HERPUD2: variants seen among roughly 807,000 people sequenced by gnomAD.
HERPUD2 encodes homocysteine-responsive endoplasmic reticulum-resident ubiquitin-like domain member 2 protein.
Under a neutral mutation model 49.9 loss-of-function variants are expected in HERPUD2, and 13 were observed. The ratio of observed to expected loss-of-function variants is 0.26; its 90% CI spans 0.17 to 0.41. The LOEUF (loss-of-function observed/expected upper bound fraction) is 0.41. Among genes scored for constraint, HERPUD2 ranks in the 10% least tolerant of loss-of-function variants. The pLI is 1.00. For synonymous variants in HERPUD2, 172 were observed against 171.4 expected (o/e 1.00, Z -0.03); for missense variants, 449 against 492.2 (o/e 0.91, Z 0.83).
intron 2 of HERPUD2, among the ~76,000 whole-genome samples, chr7:35,677,990 C>T (rs1454036242): frequency 6.6e-6 from 1 of 152,110 alleles, no homozygotes; most frequent in Non-Finnish European, 1.5e-5. Flanking sequence ...TTCATAACAA[C>T]GGAAATGCAC....
At chr7:35,675,644 C>T (rs1357852785) in intron 2 of HERPUD2, among the ~76,000 whole-genome samples, 2 of 152,112 alleles carry the variant, frequency 1.3e-5, no homozygotes. Flanking sequence ...AAATGAACCC[C>T]CAGGTACCAT....
At chr7:35,642,037 A>G (rs1784974761) in intron 5 of HERPUD2, among the ~76,000 whole-genome samples, 2 of 152,228 alleles carry the variant, frequency 1.3e-5, no homozygotes, top group South Asian at 4.1e-4. Flanking sequence ...ACCCTACAGA[A>G]TGGAAGAAAA....
At position 35,688,488 on chromosome 7, in the gene HERPUD2, G is replaced by A. The variant is rs77311976; in HGVS notation, c.147+5696C>T. Among the ~76,000 whole-genome samples, 800 of 152,294 alleles carry A rather than the reference G, an allele frequency of 5.3e-3. 12 individuals carry two copies. Among genetic ancestry groups the A allele is most frequent in the African/African-American group, 0.018 (763 of 41,570 alleles). ...CTGATGTTCAATAGAGCCTGTCAAA[G>A]TATATGACTATGGTTCACACCAACT... is the stretch of plus-strand genomic sequence containing the variant. On this transcript the variant is annotated intron_variant, in intron 2 of 8. Coordinates refer to ENST00000311350, the MANE Select transcript of HERPUD2 (RefSeq NM_022373.5).
chr7:35,681,846 G>A (rs954908032), intron 2 of HERPUD2, among the ~76,000 whole-genome samples: 1 of 152,112 alleles, frequency 6.6e-6, no homozygotes, highest in Admixed American at 6.5e-5. Flanking sequence ...GAAGAAAAAA[G>A]AATGGGGAGT....
rs139063446 is a variant in HERPUD2 at position 35,682,250 on chromosome 7, CGTGT to C, written c.148-8976_148-8973del. ...ATATATAGATATATACACATACACA[CGTGT>C]GTGTGTGTATATATAGATATATACA... On this transcript the variant is annotated intron_variant, in intron 2 of 8. Transcript: ENST00000311350. Among the ~76,000 whole-genome samples the C allele has an allele frequency of 2.7e-3, 181 of 67,508 alleles. 14 individuals are homozygous for C. Among genetic ancestry groups the C allele is most frequent in the African/African-American group, 0.012 (170 of 14,278 alleles). The allele number at this position is 67,508 out of a possible 152,430, so 44.3% of individuals were successfully genotyped here.
chr7:35,666,658 A>AG (rs1785542410), intron 5 of HERPUD2, among the ~76,000 whole-genome samples: 3 of 152,346 alleles, frequency 2.0e-5, no homozygotes, highest in African/African-American at 7.2e-5. Flanking sequence ...GTCTGCTTTC[A>AG]CACACAACCC....
chr7:35,663,819 ATAC>A (rs1785482189), intron 5 of HERPUD2, among the ~76,000 whole-genome samples: 1 of 152,062 alleles, frequency 6.6e-6, no homozygotes, highest in Non-Finnish European at 1.5e-5. Flanking sequence ...GGTTTCCTGA[ATAC>A]AGCAGATGGG....
chr7:35,682,341 GTGTGTGTGTGTGTGTGTATA>G (rs1562686247), intron 2 of HERPUD2, among the ~76,000 whole-genome samples: 502 of 24,966 alleles, frequency 0.02, 62 homozygotes, highest in South Asian at 0.036. Context: ...GTGTGTGTGT[GTGTGTGTGTGTGTGTGTATA>G]TATATATATA....
intron 5 of HERPUD2, among the ~76,000 whole-genome samples, chr7:35,663,727 C>CA (rs1722954237): frequency 6.6e-6 from 1 of 151,804 alleles, no homozygotes; most frequent in South Asian, 2.1e-4. Flanking sequence ...CAATCCCTGC[C>CA]TTTTTTTTGT....
At position 35,670,253 on chromosome 7, in the gene HERPUD2, T is replaced by C. The variant is rs140296640; in HGVS notation, c.301A>G (p.Arg101Gly). Residue 101 changes from arginine (R) to glycine (G), a missense_variant, in exon 4 of 9, where the codon AGA becomes GGA. Arg to Gly is a moderately radical substitution (Grantham distance 125). Coordinates refer to ENST00000311350, the MANE Select transcript of HERPUD2 (RefSeq NM_022373.5). ...GATGCCAATGCTTCATGACTTTCTC[T>C]ATTGGTGCTGGATTTTGGAGAACTG... ...PPSSPKSSTN[R>G]ESHEALASSS... 143 of 1,588,184 alleles carry C rather than the reference T, an allele frequency of 9.0e-5. No individual in the cohort carries two copies. The highest frequency in any genetic ancestry group is 5.0e-4 in the Middle Eastern group (3 of 6,012).
rs1378040235 is a variant in HERPUD2 at position 35,635,464 on chromosome 7, A to G, written c.618-6T>C. ...GAGCTGAAACTGCAGCTTGACTGAA[A>G]TAGTCACCAAAATAAATATTAAAAA... On this transcript the variant is annotated splice_polypyrimidine_tract_variant and splice_region_variant and intron_variant, in intron 6 of 8. Transcript: ENST00000311350. 1 of 1,594,018 alleles carries G rather than the reference A, an allele frequency of 6.3e-7. No homozygotes were observed. The highest frequency in any genetic ancestry group is 1.4e-5 in the African/African-American group (1 of 73,772).
chr7:35,635,156 C>T lies in HERPUD2; in HGVS notation c.920G>A (p.Gly307Glu). ...TCACAAATAAACCAGTAGCATGGCT[C>T]CCATTACCATGATAAACCGACTAAA... Reference protein sequence around the residue: ...SSFSRFIMVMGAMLLVYLHQA... With the variant: ...SSFSRFIMVMEAMLLVYLHQA... The change falls in exon 7 of 9, where the codon GGA becomes GAA. Residue 307 changes from glycine (G) to glutamate (E), a missense_variant. Coordinates refer to ENST00000311350, the MANE Select transcript of HERPUD2 (RefSeq NM_022373.5). 1 of 1,613,334 alleles carries T rather than the reference C, an allele frequency of 6.2e-7. No individual in the cohort carries two copies. The highest frequency in any genetic ancestry group is 8.5e-7 in the Non-Finnish European group (1 of 1,179,274).
chr7:35,644,721 C>T (rs1024788627), intron 5 of HERPUD2, among the ~76,000 whole-genome samples: 2 of 152,062 alleles, frequency 1.3e-5, no homozygotes, highest in Non-Finnish European at 2.9e-5. Flanking sequence ...GAGCCAAGAT[C>T]GCACCACTGC....
chr7:35,642,434 T>C (rs1175238794), intron 5 of HERPUD2, among the ~76,000 whole-genome samples: 1 of 152,182 alleles, frequency 6.6e-6, no homozygotes, highest in African/African-American at 2.4e-5. Flanking sequence ...AGAACTACCA[T>C]TTGACCCAGC....
At position 35,635,407 on chromosome 7, in the gene HERPUD2, A is replaced by G. The variant is rs201820568; in HGVS notation, c.669T>C (p.Pro223=). The change falls in exon 7 of 9, where the codon CCT becomes CCC. Residue 223 remains proline, a synonymous_variant. Transcript: ENST00000311350. ...CCAAATTTAGAGGCTGTGAAGTAGT[A>G]GGCTGGGTTGGGTTGACATTTGATG... ...QATSNVNPTQ[P]TTSQPLNLAH... The G allele has an allele frequency of 6.2e-7, 1 of 1,614,142 alleles. No individual in the cohort carries two copies. Among genetic ancestry groups the G allele is most frequent in the East Asian group, 2.2e-5 (1 of 44,884 alleles).
At chr7:35,669,007 A>C (rs143817264) in intron 4 of HERPUD2, among the ~76,000 whole-genome samples, 1 of 152,276 alleles carries the variant, frequency 6.6e-6, no homozygotes, top group African/African-American at 2.4e-5. Flanking sequence ...AGGCTTTCAT[A>C]ACACTGAAAA....
intron 5 of HERPUD2, among the ~76,000 whole-genome samples, chr7:35,650,949 C>T (rs1053495184): frequency 6.6e-6 from 1 of 152,196 alleles, no homozygotes; most frequent in Non-Finnish European, 1.5e-5. Flanking sequence ...GCTGAGCATG[C>T]CATCCAGGGG....
At chr7:35,671,335 C>T (rs2115970253) in intron 3 of HERPUD2, among the ~76,000 whole-genome samples, 1 of 151,952 alleles carries the variant, frequency 6.6e-6, no homozygotes, top group Non-Finnish European at 1.5e-5. Context: ...AGAAGCCCAA[C>T]CTTAATTGCT....
intron 2 of HERPUD2, among the ~76,000 whole-genome samples, chr7:35,687,112 T>C (rs1730326368): frequency 6.6e-6 from 1 of 152,156 alleles, no homozygotes; most frequent in South Asian, 2.1e-4. Flanking sequence ...GTAATGATAG[T>C]TGCTATAACA....
Sources: allele counts gnomAD v4.1 joint callset (sites outside exome capture counted in the v4.1 genomes callset), GRCh38; gene constraint gnomAD v4.1.1; transcripts MANE v1.5; gene names NCBI Gene and HGNC (gene_info 2026-07-23, HGNC 2026-07-21).